ABCA6: variants seen among roughly 807,000 people sequenced by gnomAD.
The protein encoded by ABCA6 is ATP binding cassette subfamily A member 6.
In ABCA6, 164 loss-of-function variants were observed where a neutral mutation model predicts 191.2. That is an observed-to-expected ratio of 0.86 (90% CI 0.76 to 0.98). ABCA6 has a LOEUF of 0.98. Ranked by LOEUF, ABCA6 falls within the 50% of genes least tolerant of loss-of-function variation. The pLI is 0.00. For missense variants in ABCA6, 1,958 were observed against 1,894.1 expected, an observed-to-expected ratio of 1.03 and a Z score of -0.63; for synonymous variants, 636 against 647.7, an observed-to-expected ratio of 0.98 and a Z score of 0.27.
At chr17:69,093,963 C>T (rs1187640735) in intron 25 of ABCA6, among the ~76,000 whole-genome samples, 13 of 152,164 alleles carry the variant, frequency 8.5e-5, no homozygotes, top group African/African-American at 1.4e-4. Flanking sequence ...TTTTCCAAAA[C>T]GTACCTTGCC....
rs1288878457 is a variant in ABCA6 at position 69,078,843 on chromosome 17, T to C, written c.*130A>G. On this transcript the variant is annotated 3_prime_UTR_variant, in exon 39 of 39. Coordinates refer to ENST00000284425, the MANE Select transcript of ABCA6 (RefSeq NM_080284.3). Reference sequence around the variant, plus strand: ...GAAGAATAATTTTAAAATTTATGTATTTGTTAACTAAATTTACAAAATATA... The same window carrying C: ...GAAGAATAATTTTAAAATTTATGTACTTGTTAACTAAATTTACAAAATATA... 1.8e-6 allele frequency: 1 copy of C among 551,626 alleles called. No individual in the cohort carries two copies. The highest frequency in any genetic ancestry group is 3.2e-5 in the East Asian group (1 of 31,412). The allele number at this position is 551,626 out of a possible 1,614,324, so 34.2% of individuals were successfully genotyped here.
chr17:69,125,018 A>G lies in ABCA6; in HGVS notation c.1137T>C (p.Tyr379=). ...CAGGAAAAATTACACCATTCAAGTTATAATCCAGTTTGATAATCTAAGATT... is the reference window on the plus strand; with the variant it reads ...CAGGAAAAATTACACCATTCAAGTTGTAATCCAGTTTGATAATCTAAGATT... ...TGMIQIIKLD[Y]NLNGVIFPDP... is the part of the protein sequence containing the mutation. Residue 379 remains tyrosine, a synonymous_variant, in exon 9 of 39, where the codon TAT becomes TAC. Transcript: ENST00000284425. The G allele has an allele frequency of 7.1e-7, 1 of 1,410,388 alleles. No homozygotes were observed. The highest frequency in any genetic ancestry group is 9.4e-7 in the Non-Finnish European group (1 of 1,062,234). 87.4% of individuals were successfully genotyped at this position (1,410,388 alleles called of 1,614,324 possible). A position where few individuals can be genotyped will look rare whatever the true frequency, so the allele number is the denominator to read the frequency against.
chr17:69,118,283 A>C (rs1162374060), intron 10 of ABCA6, among the ~76,000 whole-genome samples: 2 of 151,996 alleles, frequency 1.3e-5, no homozygotes, highest in Non-Finnish European at 2.9e-5. Flanking sequence ...TCATTTACCT[A>C]GGGTCTTGAA....
intron 20 of ABCA6, 56 bp downstream of exon 20, chr17:69,105,406 C>T: frequency 6.8e-7 from 1 of 1,463,172 alleles, no homozygotes; most frequent in Non-Finnish European, 9.3e-7. Flanking sequence ...ACCTCCTGTG[C>T]TATTCAACAA....
At chr17:69,112,362 T>C (rs772946473) in intron 15 of ABCA6, 89 bp from the exon 16 acceptor site, 1 of 983,054 alleles carries the variant, frequency 1.0e-6, no homozygotes, top group East Asian at 2.4e-5. Flanking sequence ...GGCTCAGAAG[T>C]GCAAAGGAGA....
At position 69,081,105 on chromosome 17, in the gene ABCA6, C is replaced by A; in HGVS notation, c.4657G>T (p.Val1553Phe). 6.2e-7 allele frequency: 1 copy of A among 1,604,756 alleles called. No homozygotes were observed. The highest frequency in any genetic ancestry group is 8.5e-7 in the Non-Finnish European group (1 of 1,175,482). The part of the protein sequence containing the change: ...LLTYKLPVAD[V>F]YPLSQTFHKL... Reference sequence around the variant, plus strand: ...TGAAAGGTCTGTGATAGAGGGTAAACGTCTGCCACGGGCAGCTTATAGGTT... The same window carrying A: ...TGAAAGGTCTGTGATAGAGGGTAAAAGTCTGCCACGGGCAGCTTATAGGTT... Residue 1553 changes from valine (V) to phenylalanine (F), a missense_variant, in exon 37 of 39, where the codon GTT becomes TTT. Physicochemically the swap from Val to Phe is conservative, Grantham distance 50. Coordinates refer to ENST00000284425, the MANE Select transcript of ABCA6 (RefSeq NM_080284.3).
rs2073807245 is a variant in ABCA6 at position 69,128,874 on chromosome 17, A to C, written c.934-70T>G. 4 of 1,234,880 alleles carry C rather than the reference A, an allele frequency of 3.2e-6. No individual in the cohort carries two copies. The South Asian group carries it at 5.1e-5, about 16-fold the overall frequency. 76.5% of individuals were successfully genotyped at this position (1,234,880 alleles called of 1,614,324 possible). A position where few individuals can be genotyped will look rare whatever the true frequency, so the allele number is the denominator to read the frequency against. ...CTCACTGAGAATCATTGGCAGCCCA[A>C]TCAAATAAGGATTTTTATATCATAA... On this transcript the variant is annotated intron_variant, in intron 7 of 38. Coordinates refer to ENST00000284425, the MANE Select transcript of ABCA6 (RefSeq NM_080284.3).
At chr17:69,131,206 A>T (rs958796896) in intron 6 of ABCA6, among the ~76,000 whole-genome samples, 1 of 152,160 alleles carries the variant, frequency 6.6e-6, no homozygotes, top group Non-Finnish European at 1.5e-5. Flanking sequence ...TGACTAATTA[A>T]ATGAGAATTC....
At chr17:69,082,362 C>G (rs1001436894) in intron 36 of ABCA6, among the ~76,000 whole-genome samples, 10 of 138,498 alleles carry the variant, frequency 7.2e-5, no homozygotes, top group East Asian at 4.1e-4. Context: ...CACACACACA[C>G]AGATATGTGG....
rs1022386121 is a variant in ABCA6, at chr17:69,113,152, C to G, written c.2041+70G>C. The stretch of plus-strand genomic sequence containing the variant: ...CCATAATGAGAGCAGGGCTCTTACC[C>G]TGGGAATAGACCTCGCTTCTAAATT... On this transcript the variant is annotated intron_variant, in intron 15 of 38. Coordinates refer to ENST00000284425, the MANE Select transcript of ABCA6 (RefSeq NM_080284.3). 12 of 1,527,474 alleles carry G rather than the reference C, an allele frequency of 7.9e-6. No individual in the cohort carries two copies. The Admixed American group carries it at 2.6e-4, about 33-fold the overall frequency. The allele number at this position is 1,527,474 out of a possible 1,614,324, so 94.6% of individuals were successfully genotyped here. A position where few individuals can be genotyped will look rare whatever the true frequency, so the allele number is the denominator to read the frequency against.
intron 17 of ABCA6, chr17:69,108,385 C>G (rs1461609615): frequency 6.6e-6 from 1 of 152,354 alleles, no homozygotes; most frequent in African/African-American, 2.4e-5. Flanking sequence ...AGTGACCACT[C>G]TATATAAACC....
chr17:69,085,657 T>A lies in ABCA6; in HGVS notation c.3997A>T (p.Ile1333Leu). 1 of 1,612,068 alleles carries A rather than the reference T, an allele frequency of 6.2e-7. No homozygotes were observed. Among genetic ancestry groups the A allele is most frequent in the Non-Finnish European group, 8.5e-7 (1 of 1,179,198 alleles). ...GAGKSSSIRM[I>L]SGITKPTAGE... is the part of the protein sequence containing the mutation. ...GCAGTTGGCTTTGTGATCCCAGATA[T>A]CATTCTAATAGATGAACTTTTTCCA... Residue 1333 changes from isoleucine (I) to leucine (L), a missense_variant, in exon 31 of 39, where the codon ATA (isoleucine) becomes TTA (leucine). Ile to Leu is a conservative substitution (Grantham distance 5, BLOSUM62 2). Coordinates refer to ENST00000284425, the MANE Select transcript of ABCA6 (RefSeq NM_080284.3).
intron 6 of ABCA6, 75 bp from the exon 7 acceptor site, chr17:69,129,826 A>C: frequency 8.7e-7 from 1 of 1,154,468 alleles, no homozygotes; most frequent in Non-Finnish European, 1.2e-6. Flanking sequence ...AAAGCATCTA[A>C]AGAACAATGT....
At chr17:69,110,609 AT>A (rs2144667788) in intron 17 of ABCA6, 191 bp downstream of exon 17, 1 of 578,730 alleles carries the variant, frequency 1.7e-6, no homozygotes, top group Admixed American at 3.4e-5. Context: ...TCCTGTCCCC[AT>A]TATCTGCTGG....
chr17:69,117,935 T>G lies in ABCA6; in HGVS notation c.1458A>C (p.Glu486Asp). The G allele has an allele frequency of 6.3e-7, 1 of 1,592,154 alleles. No homozygotes were observed. The highest frequency in any genetic ancestry group is 1.3e-5 in the African/African-American group (1 of 74,246). Residue 486 changes from glutamate to aspartate, a missense_variant, in exon 11 of 39, where the codon GAA becomes GAC. Physicochemically the swap from Glu to Asp is conservative, Grantham distance 45. Transcript: ENST00000284425. ...EAIRIRNVKK[E>D]YKGKSGKVEA... ...CCACTTTTCCAGATTTTCCTTTATA[T>G]TCCTTCTTAACATTTCTGATTCTGA...
chr17:69,126,197 A>C (rs925741344), intron 8 of ABCA6, among the ~76,000 whole-genome samples: 1 of 152,202 alleles, frequency 6.6e-6, no homozygotes, highest in Non-Finnish European at 1.5e-5. Flanking sequence ...AGAATGCTGG[A>C]TAGAACGCCA....
rs750282619 is a variant in ABCA6 at position 69,129,625 on chromosome 17, T to TA, written c.917dup (p.Leu306PhefsTer44). ...ATCAACTTACCAAAGATAAGCCATA[T>TA]AAAAAAAAGAGTATAAATATGACCA... On this transcript the variant is annotated frameshift_variant, in exon 7 of 39. Transcript: ENST00000284425. LOFTEE classifies it high-confidence loss of function. The TA allele has an allele frequency of 3.3e-5, 52 of 1,591,870 alleles. No homozygotes were observed. Among genetic ancestry groups the TA allele is most frequent in the Admixed American group, 1.3e-4 (7 of 55,050 alleles).
chr17:69,102,109 G>C (rs1488440301), intron 21 of ABCA6, among the ~76,000 whole-genome samples: 2 of 152,132 alleles, frequency 1.3e-5, no homozygotes, highest in African/African-American at 4.8e-5. Flanking sequence ...ATTTTGGGAG[G>C]CCAAGGCGGG....
At chr17:69,141,046 A>T (rs929956201) in intron 1 of ABCA6, among the ~76,000 whole-genome samples, 1 of 152,080 alleles carries the variant, frequency 6.6e-6, no homozygotes, top group Non-Finnish European at 1.5e-5. Context: ...CTTTAAGTAC[A>T]TGAATAGAGT....
Sources: allele counts gnomAD v4.1 joint callset (sites outside exome capture counted in the v4.1 genomes callset), GRCh38; gene constraint gnomAD v4.1.1; transcripts MANE v1.5; gene names NCBI Gene and HGNC (gene_info 2026-07-23, HGNC 2026-07-21).